PRKCI: variants seen among roughly 807,000 people sequenced by gnomAD.
The protein encoded by PRKCI is protein kinase C iota.
Under a neutral mutation model 84.0 loss-of-function variants are expected in PRKCI, and 43 were observed. The observed-to-expected ratio is 0.51, with a 90% CI of 0.40 to 0.66. The LOEUF is 0.66. Ranked by LOEUF, PRKCI falls within the 30% of genes least tolerant of loss-of-function variation. The pLI is 0.00. For missense variants in PRKCI, 459 were observed against 745.6 expected, an observed-to-expected ratio of 0.62 and a Z score of 4.48; for synonymous variants, 216 against 234.4, an observed-to-expected ratio of 0.92 and a Z score of 0.72.
chr3:170,274,815 A>G (rs867874729), intron 7 of PRKCI, among the ~76,000 whole-genome samples: 1 of 152,166 alleles, frequency 6.6e-6, no homozygotes, highest in Non-Finnish European at 1.5e-5. Flanking sequence ...TCTGAGTACA[A>G]TGGAGTGAGA....
At chr3:170,233,158 C>T (rs540694173) in intron 1 of PRKCI, among the ~76,000 whole-genome samples, 86 of 137,166 alleles carry the variant, frequency 6.3e-4, no homozygotes, top group African/African-American at 1.9e-3. Flanking sequence ...AGTATTTTTT[C>T]GAATAGCCTA....
At chr3:170,226,529 T>C (rs1560164082) in intron 1 of PRKCI, among the ~76,000 whole-genome samples, 1 of 152,230 alleles carries the variant, frequency 6.6e-6, no homozygotes, top group African/African-American at 2.4e-5. Flanking sequence ...TGGAAATTTT[T>C]GCAGAAAGCT....
At chr3:170,275,080 T>A in intron 7 of PRKCI, 149 bp from the exon 8 acceptor site, 3 of 929,948 alleles carry the variant, frequency 3.2e-6, no homozygotes. Flanking sequence ...GGACAGATAG[T>A]CAGTTTTAAA....
intron 1 of PRKCI, among the ~76,000 whole-genome samples, chr3:170,224,848 T>G (rs941654733): frequency 6.6e-6 from 1 of 152,214 alleles, no homozygotes; most frequent in African/African-American, 2.4e-5. Flanking sequence ...AAATTCTTAT[T>G]AATTGAGATC....
chr3:170,280,489 C>A, intron 9 of PRKCI, 86 bp downstream of exon 9: 1 of 1,302,790 alleles, frequency 7.7e-7, no homozygotes, highest in Admixed American at 2.6e-5. Context: ...CTCTTGTCAC[C>A]CAGCCTGGAG....
In PRKCI at chr3:170,275,307, T is replaced by G; in HGVS notation, c.705+20T>G. On this transcript the variant is annotated intron_variant, in intron 8 of 17. Transcript: ENST00000295797. Reference sequence around the variant, plus strand: ...AAAGAGGTAAGATAATTTGTCTTATTGTACATTATATCATTAGCTTTTTAA... The same window carrying G: ...AAAGAGGTAAGATAATTTGTCTTATGGTACATTATATCATTAGCTTTTTAA... 5 of 1,590,618 alleles carry G rather than the reference T, an allele frequency of 3.1e-6. No homozygotes were observed. Among genetic ancestry groups the G allele is most frequent in the Non-Finnish European group, 4.3e-6 (5 of 1,170,726 alleles).
chr3:170,263,110 A>G (rs1430055932), intron 3 of PRKCI, among the ~76,000 whole-genome samples: 8 of 150,926 alleles, frequency 5.3e-5, no homozygotes, highest in African/African-American at 1.9e-4. Context: ...CGGAGCTTGC[A>G]GTGAGTCGAG....
At chr3:170,292,076 C>T in intron 13 of PRKCI, 135 bp downstream of exon 13, 1 of 684,594 alleles carries the variant, frequency 1.5e-6, no homozygotes, top group Admixed American at 2.5e-5. Flanking sequence ...CTGTTAAAAA[C>T]TACATGGAGA....
intron 8 of PRKCI, among the ~76,000 whole-genome samples, chr3:170,276,137 C>A (rs1734107832): frequency 6.6e-6 from 1 of 152,036 alleles, no homozygotes; most frequent in African/African-American, 2.4e-5. Flanking sequence ...CAGAGTCTCA[C>A]TATGTTGCCC....
chr3:170,223,041 C>T (rs925604523), intron 1 of PRKCI, among the ~76,000 whole-genome samples: 1 of 152,080 alleles, frequency 6.6e-6, no homozygotes, highest in African/African-American at 2.4e-5. Context: ...GTAGGTGCAC[C>T]TGGTGTGGAC....
intron 1 of PRKCI, among the ~76,000 whole-genome samples, chr3:170,225,529 A>G (rs555145695): frequency 7.2e-5 from 11 of 151,958 alleles, no homozygotes; most frequent in African/African-American, 2.4e-4. Context: ...CTGAAGGGCC[A>G]TTATTACATA....
chr3:170,262,299 T>C (rs1300756446), intron 3 of PRKCI, among the ~76,000 whole-genome samples: 1 of 152,226 alleles, frequency 6.6e-6, no homozygotes, highest in Non-Finnish European at 1.5e-5. Flanking sequence ...TGTTCCATAT[T>C]TGTATACATT....
intron 1 of PRKCI, among the ~76,000 whole-genome samples, chr3:170,228,701 T>G (rs1485100966): frequency 6.6e-6 from 1 of 151,946 alleles, no homozygotes; most frequent in East Asian, 1.9e-4. Context: ...TTATTTTATT[T>G]TATTAGTTTA....
intron 15 of PRKCI, among the ~76,000 whole-genome samples, chr3:170,297,008 G>C (rs1303728546): frequency 6.6e-6 from 1 of 152,182 alleles, no homozygotes; most frequent in Non-Finnish European, 1.5e-5. Context: ...GCAAAGAAAT[G>C]GCTGGGTGCT....
At chr3:170,243,664 A>G (rs912638175) in intron 2 of PRKCI, among the ~76,000 whole-genome samples, 10 of 152,202 alleles carry the variant, frequency 6.6e-5, no homozygotes, top group Non-Finnish European at 1.5e-4. Flanking sequence ...TTTAGTAAGG[A>G]ATTCACAAGG....
chr3:170,298,065 G>A, intron 16 of PRKCI, among the ~76,000 whole-genome samples: 1 of 151,084 alleles, frequency 6.6e-6, no homozygotes, highest in East Asian at 2.0e-4. Flanking sequence ...TAGAGACGGG[G>A]TTTCATCATG....
At chr3:170,224,903 A>G (rs1049849008) in intron 1 of PRKCI, among the ~76,000 whole-genome samples, 6 of 152,132 alleles carry the variant, frequency 3.9e-5, no homozygotes, top group Non-Finnish European at 5.9e-5. Context: ...TAGTGCTTCT[A>G]TTTTCCCATT....
intron 12 of PRKCI, among the ~76,000 whole-genome samples, chr3:170,286,239 T>C (rs1216398381): frequency 8.5e-5 from 13 of 152,076 alleles, no homozygotes; most frequent in Admixed American, 8.5e-4. Flanking sequence ...TACGTATTTA[T>C]ATTATACAAG....
chr3:170,250,487 C>T (rs917680578), intron 2 of PRKCI, among the ~76,000 whole-genome samples: 1 of 132,882 alleles, frequency 7.5e-6, no homozygotes, highest in African/African-American at 2.8e-5. Context: ...ACTTGTTTCC[C>T]CCCTACCCCT....
Sources: allele counts gnomAD v4.1 joint callset (sites outside exome capture counted in the v4.1 genomes callset), GRCh38; gene constraint gnomAD v4.1.1; transcripts MANE v1.5; gene names NCBI Gene and HGNC (gene_info 2026-07-23, HGNC 2026-07-21).